Variants in RARB observed in about 807,000 individuals in gnomAD.
RARB encodes the protein retinoic acid receptor beta.
A neutral mutation model predicts 51.9 loss-of-function variants in RARB; 17 were observed. That is an observed-to-expected ratio of 0.33 (90% CI 0.22 to 0.49). The LOEUF (loss-of-function observed/expected upper bound fraction) is 0.49, where lower values mean the gene tolerates loss of function less well. RARB is among the 20% of genes least tolerant of loss of function. RARB has a pLI of 0.99. For synonymous variants in RARB, 215 were observed against 195.4 expected (o/e 1.10, Z -0.84); for missense variants, 369 against 550.8 (o/e 0.67, Z 3.30).
intron 3 of RARB, among the ~76,000 whole-genome samples, chr3:25,566,035 C>A (rs561750939): frequency 5.6e-4 from 86 of 152,286 alleles, no homozygotes; most frequent in African/African-American, 2.1e-3. Context: ...GCCCCAGGAG[C>A]CACTGACCAC....
chr3:25,342,456 C>T (rs1705258626), intron 5 of RARB, among the ~76,000 whole-genome samples: 1 of 152,190 alleles, frequency 6.6e-6, no homozygotes, highest in Non-Finnish European at 1.5e-5. Flanking sequence ...CCCATTCTCT[C>T]TTACAGCCGT....
intron 5 of RARB, among the ~76,000 whole-genome samples, chr3:25,304,990 C>G (rs1704122643): frequency 6.6e-6 from 1 of 152,146 alleles, no homozygotes; most frequent in Admixed American, 6.5e-5. Context: ...TTGCTGTACC[C>G]TACAGGTGCC....
At chr3:24,970,707 C>A (rs1696379539) in intron 2 of RARB, among the ~76,000 whole-genome samples, 1 of 151,778 alleles carries the variant, frequency 6.6e-6, no homozygotes, top group African/African-American at 2.4e-5. Context: ...AAAAAAAATA[C>A]AGCATTGTGT....
At chr3:24,851,335 G>A (rs1011309157) in intron 1 of RARB, among the ~76,000 whole-genome samples, 7 of 151,902 alleles carry the variant, frequency 4.6e-5, no homozygotes, top group Non-Finnish European at 8.8e-5. Flanking sequence ...GCTGTAGTGG[G>A]AGAATGGCTT....
chr3:25,135,843 C>A (rs920534313), intron 4 of RARB, among the ~76,000 whole-genome samples: 4 of 151,828 alleles, frequency 2.6e-5, no homozygotes, highest in Non-Finnish European at 4.4e-5. Flanking sequence ...CAACTTAGGG[C>A]AAACTCCAGA....
chr3:25,476,116 A>G (rs975534603), intron 2 of RARB, among the ~76,000 whole-genome samples: 1 of 152,134 alleles, frequency 6.6e-6, no homozygotes, highest in African/African-American at 2.4e-5. Flanking sequence ...TGAATCTCAA[A>G]CACATCATTT....
chr3:25,576,362 G>A (rs1219151587), intron 4 of RARB, among the ~76,000 whole-genome samples: 1 of 152,204 alleles, frequency 6.6e-6, no homozygotes, highest in Admixed American at 6.5e-5. Flanking sequence ...GATATGCCCT[G>A]CAGCTCCAGA....
chr3:25,015,351 A>C (rs914869375), intron 2 of RARB, among the ~76,000 whole-genome samples: 2 of 152,168 alleles, frequency 1.3e-5, no homozygotes, highest in African/African-American at 4.8e-5. Flanking sequence ...CTTAGATGCG[A>C]GGAATACTTT....
chr3:25,507,145 C>A (rs1697650177), intron 3 of RARB, among the ~76,000 whole-genome samples: 1 of 152,242 alleles, frequency 6.6e-6, no homozygotes, highest in Non-Finnish European at 1.5e-5. Flanking sequence ...CTTCACACAC[C>A]AGTGAGTCTC....
chr3:25,546,676 C>A (rs140069177), intron 3 of RARB, among the ~76,000 whole-genome samples: 45 of 152,112 alleles, frequency 3.0e-4, no homozygotes, highest in African/African-American at 9.4e-4. Context: ...CATAGGGTCA[C>A]TGCAGACAAT....
intron 3 of RARB, among the ~76,000 whole-genome samples, chr3:25,533,857 C>T (rs1390076359): frequency 1.3e-5 from 2 of 152,178 alleles, no homozygotes; most frequent in Non-Finnish European, 1.5e-5. Context: ...GAGTAAATGC[C>T]TTACTTCCTA....
At chr3:24,966,606 A>ATCTCTCTCTCTCTCTC (rs55848511) in intron 2 of RARB, among the ~76,000 whole-genome samples, 53 of 140,330 alleles carry the variant, frequency 3.8e-4, no homozygotes, top group East Asian at 1.7e-3. Flanking sequence ...GTTTACATTC[A>ATCTCTCTCTCTCTCTC]TCTCTCTCTC....
At chr3:24,981,437 C>A (rs1248359162) in intron 2 of RARB, among the ~76,000 whole-genome samples, 2 of 152,198 alleles carry the variant, frequency 1.3e-5, no homozygotes, top group African/African-American at 2.4e-5. Context: ...CCAGTTGGAG[C>A]TTCCCTGCCT....
At chr3:25,335,079 G>C (rs926766179) in intron 5 of RARB, among the ~76,000 whole-genome samples, 2 of 152,144 alleles carry the variant, frequency 1.3e-5, no homozygotes, top group African/African-American at 4.8e-5. Context: ...ACCCATGCTG[G>C]CTGGCTGACC....
At chr3:24,926,626 G>C (rs146103396) in intron 2 of RARB, among the ~76,000 whole-genome samples, 2 of 152,000 alleles carry the variant, frequency 1.3e-5, no homozygotes, top group Admixed American at 6.6e-5. Context: ...GCTGGGGGTG[G>C]CAAGGAGAAA....
At chr3:24,997,787 A>G (rs1365333822) in intron 2 of RARB, among the ~76,000 whole-genome samples, 1 of 152,196 alleles carries the variant, frequency 6.6e-6, no homozygotes, top group Non-Finnish European at 1.5e-5. Flanking sequence ...TTTTAAATTC[A>G]CTGTATATAC....
intron 2 of RARB, among the ~76,000 whole-genome samples, chr3:24,964,288 C>T (rs1434537160): frequency 2.6e-5 from 4 of 152,092 alleles, no homozygotes; most frequent in Non-Finnish European, 4.4e-5. Flanking sequence ...ATCAAATTTA[C>T]AAATTTGATT....
rs1701832453 is a variant in RARB at position 25,596,382 on chromosome 3, CTTATCTTAACCATATTTCCA to C, written c.1151-31_1151-12del. On this transcript the variant is annotated intron_variant, in intron 7 of 7. Coordinates refer to ENST00000330688, the MANE Select transcript of RARB (RefSeq NM_000965.5). ...CTGGTTATCTGTCATAGCTTAACTC[CTTATCTTAACCATATTTCCA>C]TTATCTCTTTTGAAAAGGTGCAGAG... 6.5e-7 allele frequency: 1 copy of C among 1,527,026 alleles called. No homozygotes were observed. The highest frequency in any genetic ancestry group is 2.3e-5 in the East Asian group (1 of 44,308). 94.6% of individuals were successfully genotyped at this position (1,527,026 alleles called of 1,614,324 possible).
chr3:25,343,524 C>T (rs1272022504), intron 5 of RARB, among the ~76,000 whole-genome samples: 2 of 150,964 alleles, frequency 1.3e-5, no homozygotes, highest in East Asian at 3.9e-4. Flanking sequence ...AGCCAAAATG[C>T]TTAAGAAAAA....
Sources: gnomAD v4.1 joint callset for allele counts (sites outside exome capture counted in the v4.1 genomes callset) on GRCh38, gnomAD v4.1.1 for gene constraint, MANE v1.5 for transcripts, NCBI Gene and HGNC (gene_info 2026-07-23, HGNC 2026-07-21) for gene names.